Variants in FNIP2 observed in about 807,000 individuals in gnomAD.
The protein encoded by FNIP2 is folliculin interacting protein 2.
In FNIP2, 32 loss-of-function variants were observed where a neutral mutation model predicts 108.7. The ratio of observed to expected loss-of-function variants is 0.29; its 90% CI spans 0.22 to 0.40. FNIP2 has a LOEUF of 0.40. FNIP2 is among the 10% of genes least tolerant of loss of function. The pLI is 1.00. For synonymous variants in FNIP2, 480 were observed against 496.7 expected (o/e 0.97, Z 0.45); for missense variants, 1,202 against 1,381.6 (o/e 0.87, Z 2.06).
chr4:158,790,843 C>A (rs1776389350), intron 1 of FNIP2, among the ~76,000 whole-genome samples: 1 of 151,890 alleles, frequency 6.6e-6, no homozygotes, highest in African/African-American at 2.4e-5. Context: ...CTTTAATTTT[C>A]ACTTTTTTTT....
At chr4:158,835,509 A>T (rs1197432563) in intron 7 of FNIP2, 33 bp downstream of exon 7, 1 of 1,584,040 alleles carries the variant, frequency 6.3e-7, no homozygotes, top group Non-Finnish European at 8.7e-7. Context: ...TTTAACTAAC[A>T]GAGTGAACTA....
intron 1 of FNIP2, among the ~76,000 whole-genome samples, chr4:158,784,333 A>T (rs1776146588): frequency 6.6e-6 from 1 of 152,208 alleles, no homozygotes; most frequent in African/African-American, 2.4e-5. Context: ...TGATTGCCCC[A>T]AATGGGCATG....
At chr4:158,854,464 A>G (rs1489810048) in intron 8 of FNIP2, among the ~76,000 whole-genome samples, 1 of 152,226 alleles carries the variant, frequency 6.6e-6, no homozygotes, top group Non-Finnish European at 1.5e-5. Context: ...CCCCAGGCTT[A>G]TGGGTATGTG....
Position 158,868,049 on chromosome 4 carries a change from GTGACA to G in FNIP2, c.1466-50_1466-46del. On this transcript the variant is annotated intron_variant, in intron 12 of 16. Coordinates refer to ENST00000264433, the MANE Select transcript of FNIP2 (RefSeq NM_020840.3). The surrounding 1 kb of genome is among the most constrained non-coding windows in gnomAD (Gnocchi z 4.6). ...TGCTCTTGTAAAGACGGATATATCT[GTGACA>G]TGCTAACCCCAGAGACCACTGCCTT... The G allele has an allele frequency of 6.3e-7, 1 of 1,591,158 alleles. No homozygotes were observed. The highest frequency in any genetic ancestry group is 1.1e-5 in the South Asian group (1 of 87,476).
chr4:158,856,622 T>C (rs947437417), intron 8 of FNIP2, among the ~76,000 whole-genome samples: 1 of 152,182 alleles, frequency 6.6e-6, no homozygotes, highest in African/African-American at 2.4e-5. Context: ...AGATTAGGCA[T>C]GGGGTCAGAA....
At position 158,829,148 on chromosome 4, in the gene FNIP2, A is replaced by C. The variant is rs769256670; in HGVS notation, c.304A>C (p.Ser102Arg). Residue 102 changes from serine to arginine, a missense_variant, in exon 3 of 17, where the codon AGC (serine) becomes CGC (arginine). By Grantham distance (110) the Ser-to-Arg change is moderately radical (BLOSUM62 -1). Coordinates refer to ENST00000264433, the MANE Select transcript of FNIP2 (RefSeq NM_020840.3). The part of the protein sequence containing the change: ...CQGSSSVSSS[S>R]SSSISSHSSS... Reference sequence around the variant, plus strand: ...GGGAAGCAGCAGTGTCAGCAGCAGTAGCAGCAGCAGCATCTCTTCCCACAG... The same window carrying C: ...GGGAAGCAGCAGTGTCAGCAGCAGTCGCAGCAGCAGCATCTCTTCCCACAG... 1 of 1,611,704 alleles carries C rather than the reference A, an allele frequency of 6.2e-7. No homozygotes were observed. The highest frequency in any genetic ancestry group is 1.1e-5 in the South Asian group (1 of 90,638).
intron 1 of FNIP2, among the ~76,000 whole-genome samples, chr4:158,775,291 C>T (rs950049876): frequency 1.3e-5 from 2 of 152,074 alleles, no homozygotes; most frequent in Non-Finnish European, 2.9e-5. Flanking sequence ...ATTGTTAGGC[C>T]TGGACTATGA....
At chr4:158,772,496 T>C (rs1249055994) in intron 1 of FNIP2, among the ~76,000 whole-genome samples, 5 of 152,224 alleles carry the variant, frequency 3.3e-5, no homozygotes, top group Admixed American at 1.3e-4. Flanking sequence ...GGCTACCAGA[T>C]GTTCTTTTAT....
chr4:158,847,423 C>CTGTGTCT (rs1779465807), intron 7 of FNIP2, among the ~76,000 whole-genome samples: 1 of 152,100 alleles, frequency 6.6e-6, no homozygotes. Context: ...TAGGATAGAG[C>CTGTGTCT]ACTGGGCAAT....
At chr4:158,833,471 G>T (rs916409156) in intron 5 of FNIP2, 57 bp from the exon 6 acceptor site, 1 of 1,059,354 alleles carries the variant, frequency 9.4e-7, no homozygotes, top group Admixed American at 2.3e-5. Context: ...AACAGCTTTA[G>T]TAGCTTCTTG....
chr4:158,792,657 C>T (rs936577375), intron 1 of FNIP2, among the ~76,000 whole-genome samples: 17 of 152,188 alleles, frequency 1.1e-4, no homozygotes, highest in Admixed American at 4.6e-4. Context: ...TTGTAATCAG[C>T]GGCTTTCAGG....
At chr4:158,880,058 A>G (rs1781498728) in intron 14 of FNIP2, among the ~76,000 whole-genome samples, 1 of 150,294 alleles carries the variant, frequency 6.7e-6, no homozygotes, top group Non-Finnish European at 1.5e-5. Flanking sequence ...ATCTAGAACT[A>G]GAAATACCAT....
intron 14 of FNIP2, among the ~76,000 whole-genome samples, chr4:158,880,993 C>G (rs1048618263): frequency 6.6e-6 from 1 of 152,150 alleles, no homozygotes; most frequent in Admixed American, 6.5e-5. Context: ...GCCTTTCTTA[C>G]AGCTACATAA....
At chr4:158,863,356 A>G (rs1010420734) in intron 12 of FNIP2, among the ~76,000 whole-genome samples, 11 of 152,246 alleles carry the variant, frequency 7.2e-5, no homozygotes, top group Admixed American at 5.9e-4. Context: ...GGAATACACA[A>G]TGATGGAGAT....
rs1235521480 is a variant in FNIP2 at position 158,868,143 on chromosome 4, C to T, written c.1507C>T (p.Arg503Cys). ...CATAGGCTCTCCAGTGAGACTGACTCGCACCGTAGTGGTAGGGAAGCAGAA... is the reference window on the plus strand; with the variant it reads ...CATAGGCTCTCCAGTGAGACTGACTTGCACCGTAGTGGTAGGGAAGCAGAA... ...GAIGSPVRLT[R>C]TVVVGKQKDL... The change falls in exon 13 of 17, where the codon CGC (arginine) becomes TGC (cysteine). Residue 503 changes from arginine (R) to cysteine (C), a missense_variant. Transcript: ENST00000264433. The surrounding 1 kb of genome is among the most constrained non-coding windows in gnomAD (Gnocchi z 4.6). 2 of 1,613,884 alleles carry T rather than the reference C, an allele frequency of 1.2e-6. No homozygotes were observed. Among genetic ancestry groups the T allele is most frequent in the Non-Finnish European group, 1.7e-6 (2 of 1,179,902 alleles).
intron 7 of FNIP2, among the ~76,000 whole-genome samples, chr4:158,841,062 A>G (rs1402263903): frequency 1.3e-5 from 2 of 152,206 alleles, no homozygotes; most frequent in Non-Finnish European, 2.9e-5. Flanking sequence ...TAACCATCCA[A>G]AATTTGGTGT....
chr4:158,773,265 T>C (rs1235384283), intron 1 of FNIP2, among the ~76,000 whole-genome samples: 1 of 152,220 alleles, frequency 6.6e-6, no homozygotes, highest in Non-Finnish European at 1.5e-5. Flanking sequence ...GCACACTCCT[T>C]ACATCATATC....
intron 1 of FNIP2, among the ~76,000 whole-genome samples, chr4:158,789,561 G>A (rs1025626312): frequency 6.6e-6 from 1 of 152,120 alleles, no homozygotes; most frequent in Non-Finnish European, 1.5e-5. Flanking sequence ...AATAGTAAAT[G>A]TTCATTCAAA....
chr4:158,894,170 CT>C (rs5863337), intron 15 of FNIP2, among the ~76,000 whole-genome samples: 61,563 of 127,318 alleles, frequency 0.48, 14,764 homozygotes, highest in East Asian at 0.82. Flanking sequence ...AAAATGTTTT[CT>C]TTTTTTTTTT....
Sources: gnomAD v4.1 joint callset for allele counts (sites outside exome capture counted in the v4.1 genomes callset) on GRCh38, gnomAD v4.1.1 for gene constraint, Gnocchi (gnomAD v3.1) non-coding constraint, MANE v1.5 for transcripts, NCBI Gene and HGNC (gene_info 2026-07-23, HGNC 2026-07-21) for gene names.